The following VRK3 variants were observed in gnomAD, a reference collection of about 807,000 sequenced individuals.
VRK3 encodes serine/threonine-protein kinase VRK3.
VRK3 carries 50 observed loss-of-function variants against 60.4 expected under a neutral mutation model. The observed-to-expected ratio is 0.83, with a 90% CI of 0.66 to 1.05. The LOEUF is 1.05. Among genes scored for constraint, VRK3 ranks in the 50% least tolerant of loss-of-function variants. VRK3 has a pLI of 0.00. For synonymous variants in VRK3, 246 were observed against 227.8 expected (o/e 1.08, Z -0.72); for missense variants, 549 against 585.3 (o/e 0.94, Z 0.64).
At chr19:49,985,257 C>A (rs1486712747) in intron 12 of VRK3, among the ~76,000 whole-genome samples, 1 of 152,194 alleles carries the variant, frequency 6.6e-6, no homozygotes, top group Admixed American at 6.5e-5. Context: ...CCACTGTGAG[C>A]AGAAAACCCC....
chr19:49,985,084 G>A (rs145684319), intron 12 of VRK3, among the ~76,000 whole-genome samples: 2 of 152,200 alleles, frequency 1.3e-5, no homozygotes, highest in Admixed American at 1.3e-4. Context: ...AAGCTGCAGT[G>A]TTTTGGGGTC....
chr19:50,023,009 T>C (rs1417655516), intron 1 of VRK3, among the ~76,000 whole-genome samples: 1 of 152,088 alleles, frequency 6.6e-6, no homozygotes, highest in Non-Finnish European at 1.5e-5. Flanking sequence ...CTTCGGTGCT[T>C]TTCCCCAATC....
At chr19:50,021,216 A>C (rs2077166150) in intron 1 of VRK3, among the ~76,000 whole-genome samples, 1 of 152,102 alleles carries the variant, frequency 6.6e-6, no homozygotes, top group Non-Finnish European at 1.5e-5. Flanking sequence ...GTATTTTCCA[A>C]AGCAGGTCAC....
chr19:49,981,689 G>C, intron 12 of VRK3: 2 of 997,100 alleles, frequency 2.0e-6, no homozygotes, highest in Non-Finnish European at 2.4e-6. Flanking sequence ...CTTTGATGAT[G>C]AGGAAAGATC....
intron 5 of VRK3, chr19:50,001,224 C>G (rs1225977325): frequency 1.5e-5 from 3 of 199,554 alleles, no homozygotes; most frequent in Non-Finnish European, 3.1e-5. Context: ...TCTGGGGAAC[C>G]TGGGATGCGG....
At chr19:50,015,764 A>G (rs1480020359) in intron 3 of VRK3, 1 of 478,126 alleles carries the variant, frequency 2.1e-6, no homozygotes, top group East Asian at 3.2e-5. Flanking sequence ...CTGCACATAT[A>G]TCTCCTCCAA....
intron 3 of VRK3, among the ~76,000 whole-genome samples, chr19:50,011,576 C>T (rs989201891): frequency 6.6e-6 from 1 of 152,224 alleles, no homozygotes; most frequent in East Asian, 1.9e-4. Context: ...CAGCTCTCCA[C>T]GTCACCACAG....
intron 7 of VRK3, among the ~76,000 whole-genome samples, chr19:49,996,685 C>T (rs1026979858): frequency 1.4e-4 from 21 of 152,240 alleles, no homozygotes; most frequent in African/African-American, 3.9e-4. Context: ...GGCATGATCT[C>T]GGCTCACTGC....
rs117546249 is a variant in VRK3 at position 50,022,970 on chromosome 19, C to T, written c.-65+2297G>A. Among the ~76,000 whole-genome samples, 298 of 152,304 alleles carry T rather than the reference C, an allele frequency of 2.0e-3. 14 individuals carry two copies. The East Asian group carries it at 0.051, about 26-fold the overall frequency. On this transcript the variant is annotated intron_variant, in intron 1 of 14. Coordinates refer to ENST00000316763, the MANE Select transcript of VRK3 (RefSeq NM_016440.4). Reference sequence around the variant, plus strand: ...CCTCTCTGACCTCTCCCACCTCTCCCCTTGCTCACGCTGAGTCAGCCACAA... The same window carrying T: ...CCTCTCTGACCTCTCCCACCTCTCCTCTTGCTCACGCTGAGTCAGCCACAA...
At chr19:49,997,873 G>C in intron 6 of VRK3, 1 of 243,320 alleles carries the variant, frequency 4.1e-6, no homozygotes, top group Non-Finnish European at 8.0e-6. Flanking sequence ...ACATGACCAA[G>C]TTCTGGCCAA....
At position 50,007,507 on chromosome 19, in the gene VRK3, C is replaced by A. The variant is rs913812664; in HGVS notation, c.547+62G>T. 2.7e-5 allele frequency: 43 copies of A among 1,597,606 alleles called. No homozygotes were observed. In the Admixed American group the frequency reaches 5.4e-4, roughly 20 times the overall value. ...TCCATTCCCATTCTCAGAACGGGGT[C>A]CCCTCCCACTGTCCTGGTGCTGAGA... On this transcript the variant is annotated intron_variant, in intron 5 of 14. Transcript: ENST00000316763.
intron 3 of VRK3, among the ~76,000 whole-genome samples, chr19:50,012,716 A>C (rs1436906208): frequency 6.6e-6 from 1 of 152,014 alleles, no homozygotes; most frequent in Non-Finnish European, 1.5e-5. Context: ...CTCTACTAAA[A>C]ATACAAAAAT....
chr19:50,002,739 C>T (rs10403001), intron 5 of VRK3, among the ~76,000 whole-genome samples: 7,975 of 152,114 alleles, frequency 0.052, 689 homozygotes, highest in African/African-American at 0.18. Flanking sequence ...GGCCAAGGGC[C>T]CCAGCAGAGA....
chr19:50,000,647 G>A lies in VRK3; in HGVS notation c.612+143C>T, dbSNP rs11882190. The A allele has an allele frequency of 0.013, 12,059 of 945,418 alleles. 997 individuals are homozygous for A. The African/African-American group carries it at 0.18, about 14-fold the overall frequency. The allele number at this position is 945,418 out of a possible 1,614,324, so 58.6% of individuals were successfully genotyped here. On this transcript the variant is annotated intron_variant, in intron 6 of 14. Coordinates refer to ENST00000316763, the MANE Select transcript of VRK3 (RefSeq NM_016440.4). Reference sequence around the variant, plus strand: ...TGATGGAGAACTGGGCGCCTGCCCCGCCCACGGTCTTAATACTCCTTGCAG... The same window carrying A: ...TGATGGAGAACTGGGCGCCTGCCCCACCCACGGTCTTAATACTCCTTGCAG...
intron 3 of VRK3, 79 bp downstream of exon 3, chr19:50,015,945 G>T: frequency 6.3e-7 from 1 of 1,589,730 alleles, no homozygotes; most frequent in Non-Finnish European, 8.6e-7. Context: ...AGGCTGCAAA[G>T]GCATCCTCCC....
chr19:49,993,659 C>T (rs2122131001), intron 9 of VRK3, among the ~76,000 whole-genome samples: 1 of 152,272 alleles, frequency 6.6e-6, no homozygotes, highest in South Asian at 2.1e-4. Context: ...CTCGTCCTCC[C>T]AAAGTGCTGG....
intron 9 of VRK3, among the ~76,000 whole-genome samples, chr19:49,993,436 T>C (rs752017872): frequency 2.6e-5 from 4 of 152,180 alleles, no homozygotes; most frequent in African/African-American, 7.2e-5. Flanking sequence ...CTTACTCCTG[T>C]TGCCCAGGCT....
At chr19:50,020,941 T>C (rs746352813) in intron 1 of VRK3, among the ~76,000 whole-genome samples, 2 of 152,164 alleles carry the variant, frequency 1.3e-5, no homozygotes, top group Non-Finnish European at 2.9e-5. Flanking sequence ...GAGAAAGGGC[T>C]ATGGAGGACA....
intron 2 of VRK3, among the ~76,000 whole-genome samples, chr19:50,019,901 CAG>C (rs2077144066): frequency 6.6e-6 from 1 of 151,334 alleles, no homozygotes; most frequent in African/African-American, 2.4e-5. Context: ...TATTTTGAGA[CAG>C]AGTTTCACTC....
Sources: allele counts gnomAD v4.1 joint callset (sites outside exome capture counted in the v4.1 genomes callset), GRCh38; gene constraint gnomAD v4.1.1; transcripts MANE v1.5; gene names NCBI Gene and HGNC (gene_info 2026-07-23, HGNC 2026-07-21).